Variants in PTPRT observed in about 807,000 individuals in gnomAD.
PTPRT encodes receptor-type tyrosine-protein phosphatase T.
PTPRT carries 56 observed loss-of-function variants against 176.8 expected under a neutral mutation model. The observed-to-expected ratio is 0.32, with a 90% confidence interval of 0.26 to 0.40. The LOEUF is 0.40. Ranked by LOEUF, PTPRT falls within the 10% of genes least tolerant of loss-of-function variation. The pLI, the probability that PTPRT is intolerant of heterozygous loss-of-function variation, is 1.00. For synonymous variants in PTPRT, 783 were observed against 739.0 expected (o/e 1.06, Z -0.96); for missense variants, 1,540 against 1,908.2 (o/e 0.81, Z 3.60).
chr20:42,903,834 G>A (rs554510357), intron 1 of PTPRT, among the ~76,000 whole-genome samples: 1 of 152,208 alleles, frequency 6.6e-6, no homozygotes, highest in Non-Finnish European at 1.5e-5. Context: ...GTCTTGGGTA[G>A]ATGTAATTAC....
At chr20:42,595,103 C>T (rs914322947) in intron 7 of PTPRT, among the ~76,000 whole-genome samples, 5 of 152,020 alleles carry the variant, frequency 3.3e-5, no homozygotes, top group African/African-American at 1.2e-4. Context: ...TCCTCAGCAT[C>T]GCAGAGGCCA....
chr20:42,239,413 CTTTTTTTTTTTTT>C (rs35978863), intron 14 of PTPRT, among the ~76,000 whole-genome samples: 4 of 81,206 alleles, frequency 4.9e-5, no homozygotes, highest in South Asian at 1.1e-3. Context: ...CATTTTCTTT[CTTTTTTTTTTTTT>C]TTTTTTTTTT....
chr20:42,638,985 T>A (rs2074673821), intron 7 of PTPRT, among the ~76,000 whole-genome samples: 1 of 152,100 alleles, frequency 6.6e-6, no homozygotes, highest in African/African-American at 2.4e-5. Context: ...TATAGCACAT[T>A]AATTATAAGG....
At chr20:43,065,423 C>G (rs2045524018) in intron 1 of PTPRT, among the ~76,000 whole-genome samples, 1 of 152,096 alleles carries the variant, frequency 6.6e-6, no homozygotes, top group African/African-American at 2.4e-5. Context: ...AGGCCCATAC[C>G]TAATGACAAA....
At chr20:42,776,121 T>G (rs2077131655) in intron 4 of PTPRT, among the ~76,000 whole-genome samples, 1 of 152,152 alleles carries the variant, frequency 6.6e-6, no homozygotes, top group Non-Finnish European at 1.5e-5. Context: ...GTGCACTATC[T>G]CCGATGCCTG....
At chr20:42,594,291 G>A (rs6102920) in intron 7 of PTPRT, among the ~76,000 whole-genome samples, 7,611 of 151,996 alleles carry the variant, frequency 0.05, 686 homozygotes, top group African/African-American at 0.17. Context: ...GTCCCACCAC[G>A]ACCATTTCTG....
At chr20:42,930,985 T>C (rs949726445) in intron 1 of PTPRT, among the ~76,000 whole-genome samples, 5 of 152,142 alleles carry the variant, frequency 3.3e-5, no homozygotes, top group African/African-American at 1.2e-4. Flanking sequence ...TTATGCTGTT[T>C]AGACCAATCA....
At chr20:42,496,583 C>G (rs2071657716) in intron 7 of PTPRT, among the ~76,000 whole-genome samples, 1 of 151,578 alleles carries the variant, frequency 6.6e-6, no homozygotes, top group Admixed American at 6.6e-5. Context: ...TGTGAAGTGT[C>G]TATTAGCTCC....
At chr20:42,616,158 C>T (rs1178029364) in intron 7 of PTPRT, among the ~76,000 whole-genome samples, 1 of 125,322 alleles carries the variant, frequency 8.0e-6, no homozygotes, top group Admixed American at 7.3e-5. Flanking sequence ...CTACATATGG[C>T]TAGCCAGTTT....
intron 16 of PTPRT, among the ~76,000 whole-genome samples, chr20:42,188,606 T>C (rs1377936828): frequency 6.6e-6 from 1 of 152,192 alleles, no homozygotes. Flanking sequence ...TCATCAAGTC[T>C]GTAGCTTTGA....
chr20:42,290,449 C>T (rs571509884), intron 12 of PTPRT, among the ~76,000 whole-genome samples: 14 of 152,076 alleles, frequency 9.2e-5, no homozygotes, highest in Admixed American at 2.6e-4. Flanking sequence ...CTTTCTGTGG[C>T]TCAATTTCCC....
intron 3 of PTPRT, among the ~76,000 whole-genome samples, chr20:42,786,755 C>G (rs1473537554): frequency 6.6e-6 from 1 of 152,188 alleles, no homozygotes; most frequent in Non-Finnish European, 1.5e-5. Context: ...CTAATTGAAA[C>G]CTTAAAGGCT....
At chr20:42,575,750 T>C (rs1030439439) in intron 7 of PTPRT, among the ~76,000 whole-genome samples, 2 of 152,118 alleles carry the variant, frequency 1.3e-5, no homozygotes, top group Admixed American at 6.5e-5. Context: ...ATGTAACAGA[T>C]TGCCAAGGCC....
At chr20:42,234,608 C>T (rs532976159) in intron 15 of PTPRT, among the ~76,000 whole-genome samples, 10 of 152,344 alleles carry the variant, frequency 6.6e-5, no homozygotes, top group Admixed American at 5.9e-4. Flanking sequence ...TATGTAGAGG[C>T]ATCTCTCAGC....
At chr20:42,744,385 A>G (rs2076659607) in intron 6 of PTPRT, among the ~76,000 whole-genome samples, 1 of 152,226 alleles carries the variant, frequency 6.6e-6, no homozygotes, top group Non-Finnish European at 1.5e-5. Flanking sequence ...AAATCTTCAA[A>G]AACAATCAAT....
chr20:43,000,532 G>A lies in PTPRT; in HGVS notation c.89-114600C>T, dbSNP rs148765433. ...CAAAATCTAAAATATGAAATTATAA[G>A]ACAATAAAGTGACATGATAGAGCTA... is the stretch of plus-strand genomic sequence containing the variant. On this transcript the variant is annotated intron_variant, in intron 1 of 30. Coordinates refer to ENST00000373187, the MANE Select transcript of PTPRT (RefSeq NM_007050.6). 5.0e-4 allele frequency among the ~76,000 whole-genome samples: 76 copies of A among 152,004 alleles called. No homozygotes were observed. In the East Asian group the frequency reaches 0.011, roughly 22 times the overall value.
chr20:42,630,836 G>A (rs931547032), intron 7 of PTPRT, among the ~76,000 whole-genome samples: 1 of 152,074 alleles, frequency 6.6e-6, no homozygotes, highest in Non-Finnish European at 1.5e-5. Context: ...CGTTGCTCTT[G>A]GATAAGTATC....
intron 9 of PTPRT, among the ~76,000 whole-genome samples, chr20:42,387,886 G>C (rs1432067279): frequency 3.3e-5 from 5 of 151,802 alleles, no homozygotes; most frequent in Non-Finnish European, 7.4e-5. Context: ...CTACCTCCTG[G>C]GTTCAAATTA....
chr20:43,106,330 A>G (rs2146333529), intron 1 of PTPRT, among the ~76,000 whole-genome samples: 1 of 151,894 alleles, frequency 6.6e-6, no homozygotes, highest in South Asian at 2.1e-4. Flanking sequence ...TAAAGGGTTA[A>G]TGCTCCTCCA....
Sources: gnomAD v4.1 joint callset for allele counts (sites outside exome capture counted in the v4.1 genomes callset) on GRCh38, gnomAD v4.1.1 for gene constraint, MANE v1.5 for transcripts, NCBI Gene and HGNC (gene_info 2026-07-23, HGNC 2026-07-21) for gene names.